Variants in PCDH9 observed in about 807,000 individuals in gnomAD.
PCDH9 encodes the protein protocadherin-9.
In PCDH9, 24 loss-of-function variants were observed where a neutral mutation model predicts 70.6. That is an observed-to-expected ratio of 0.34 (90% CI 0.25 to 0.48). The LOEUF (loss-of-function observed/expected upper bound fraction) is 0.48. Ranked by LOEUF, PCDH9 falls within the 20% of genes least tolerant of loss-of-function variation. The probability of loss-of-function intolerance (pLI) is 0.99; values close to 1 mark genes in which losing one functional copy is unlikely to be tolerated. For missense variants in PCDH9, 1,281 were observed against 1,503.6 expected (o/e 0.85, Z 2.45); for synonymous variants, 562 against 558.5 (o/e 1.01, Z -0.09).
At chr13:67,147,667 A>T (rs907239561) in intron 2 of PCDH9, among the ~76,000 whole-genome samples, 1 of 152,224 alleles carries the variant, frequency 6.6e-6, no homozygotes, top group Non-Finnish European at 1.5e-5. Flanking sequence ...AGGCCAGGGA[A>T]TTTGGGGACT....
At chr13:67,178,230 A>T (rs1458231710) in intron 2 of PCDH9, among the ~76,000 whole-genome samples, 1 of 152,074 alleles carries the variant, frequency 6.6e-6, no homozygotes, top group Non-Finnish European at 1.5e-5. Flanking sequence ...ATGGGGAAAA[A>T]GATACTATGA....
At chr13:66,750,450 T>C (rs1384783522) in intron 3 of PCDH9, among the ~76,000 whole-genome samples, 1 of 152,034 alleles carries the variant, frequency 6.6e-6, no homozygotes, top group Non-Finnish European at 1.5e-5. Context: ...GGACCAACTG[T>C]GTAAAGAAAG....
At chr13:67,188,254 C>T (rs1404778349) in intron 2 of PCDH9, among the ~76,000 whole-genome samples, 1 of 152,098 alleles carries the variant, frequency 6.6e-6, no homozygotes, top group African/African-American at 2.4e-5. Flanking sequence ...GTCAGCAGTG[C>T]TATACAAGTA....
chr13:66,959,368 T>A (rs1255150551), intron 2 of PCDH9, among the ~76,000 whole-genome samples: 2 of 152,186 alleles, frequency 1.3e-5, no homozygotes, highest in Non-Finnish European at 2.9e-5. Flanking sequence ...TTACCAAGAA[T>A]GGCATGATCT....
intron 3 of PCDH9, among the ~76,000 whole-genome samples, chr13:66,816,730 GACA>G (rs2080611562): frequency 1.3e-5 from 2 of 152,122 alleles, no homozygotes; most frequent in Admixed American, 1.3e-4. Flanking sequence ...AGACCAGTGT[GACA>G]ACATGGTAAA....
chr13:67,198,607 T>TA (rs2089134526), intron 2 of PCDH9, among the ~76,000 whole-genome samples: 1 of 151,848 alleles, frequency 6.6e-6, no homozygotes, highest in Non-Finnish European at 1.5e-5. Context: ...AAAACACACA[T>TA]ACCATAACCT....
chr13:66,593,812 A>G (rs1337144368), intron 4 of PCDH9, among the ~76,000 whole-genome samples: 1 of 151,726 alleles, frequency 6.6e-6, no homozygotes, highest in Non-Finnish European at 1.5e-5. Context: ...GTGATTTGTA[A>G]TTTGTTGTAC....
At chr13:66,645,900 T>C (rs1193279197) in intron 3 of PCDH9, among the ~76,000 whole-genome samples, 1 of 152,102 alleles carries the variant, frequency 6.6e-6, no homozygotes, top group Non-Finnish European at 1.5e-5. Flanking sequence ...AACAGAAAGA[T>C]CCAATCTATA....
chr13:66,709,388 G>A (rs867393806), intron 3 of PCDH9, among the ~76,000 whole-genome samples: 4 of 152,140 alleles, frequency 2.6e-5, no homozygotes, highest in Non-Finnish European at 5.9e-5. Context: ...TTTCTGAATT[G>A]AAACTTGTAT....
intron 2 of PCDH9, among the ~76,000 whole-genome samples, chr13:67,181,976 C>A (rs185227213): frequency 1.5e-4 from 23 of 152,270 alleles, no homozygotes; most frequent in Non-Finnish European, 1.5e-5. Flanking sequence ...ACCTGATTGA[C>A]CAGTCCTTTG....
intron 2 of PCDH9, among the ~76,000 whole-genome samples, chr13:66,971,662 G>C (rs1202636074): frequency 6.6e-6 from 1 of 151,870 alleles, no homozygotes; most frequent in Middle Eastern, 3.2e-3. Flanking sequence ...ATGCACACTG[G>C]AACAGGCAGC....
At chr13:67,142,207 CAG>C (rs1300342889) in intron 2 of PCDH9, among the ~76,000 whole-genome samples, 5 of 152,192 alleles carry the variant, frequency 3.3e-5, no homozygotes, top group East Asian at 1.9e-4. Context: ...AAAAATCAAA[CAG>C]AATTAAAATT....
At chr13:66,927,292 A>G (rs1481421265) in intron 2 of PCDH9, among the ~76,000 whole-genome samples, 4 of 152,076 alleles carry the variant, frequency 2.6e-5, no homozygotes, top group Non-Finnish European at 5.9e-5. Flanking sequence ...AAACTAACGC[A>G]GGAAGAGAAA....
At chr13:66,632,764 C>T (rs2077588069) in intron 3 of PCDH9, among the ~76,000 whole-genome samples, 1 of 151,998 alleles carries the variant, frequency 6.6e-6, no homozygotes, top group Non-Finnish European at 1.5e-5. Context: ...TTTGAATAAA[C>T]CTAGTTTTCT....
chr13:66,648,461 G>A (rs1487501941), intron 3 of PCDH9, among the ~76,000 whole-genome samples: 3 of 152,220 alleles, frequency 2.0e-5, no homozygotes, highest in South Asian at 2.1e-4. Flanking sequence ...GACCACCAAG[G>A]TGGTACCTTC....
chr13:66,360,197 T>G (rs1028248288), intron 4 of PCDH9, among the ~76,000 whole-genome samples: 1 of 152,064 alleles, frequency 6.6e-6, no homozygotes, highest in Non-Finnish European at 1.5e-5. Context: ...GCCTCGGATA[T>G]TAGTGTGATC....
chr13:66,375,999 G>T lies in PCDH9; in HGVS notation c.3341-70971C>A, dbSNP rs76506172. ...AAACAACCAGAAAACACCAATAAAG[G>T]CAGCTCATCCTTATAACTGACTCCC... is the stretch of plus-strand genomic sequence containing the variant. On this transcript the variant is annotated intron_variant, in intron 4 of 4. Transcript: ENST00000377865. Among the ~76,000 whole-genome samples, 24 of 152,130 alleles carry T rather than the reference G, an allele frequency of 1.6e-4. No individual in the cohort carries two copies. In the East Asian group the frequency reaches 4.6e-3, roughly 29 times the overall value.
chr13:66,458,342 C>A (rs987406582), intron 4 of PCDH9, among the ~76,000 whole-genome samples: 1 of 151,930 alleles, frequency 6.6e-6, no homozygotes, highest in Non-Finnish European at 1.5e-5. Context: ...TTAAAACCAA[C>A]AATCTATTTT....
At chr13:66,436,634 G>C (rs1436737680) in intron 4 of PCDH9, among the ~76,000 whole-genome samples, 1 of 152,124 alleles carries the variant, frequency 6.6e-6, no homozygotes, top group South Asian at 2.1e-4. Flanking sequence ...TACTTCTGAA[G>C]TGGTTTGTTC....
Sources: gnomAD v4.1 joint callset for allele counts (sites outside exome capture counted in the v4.1 genomes callset) on GRCh38, gnomAD v4.1.1 for gene constraint, MANE v1.5 for transcripts, NCBI Gene and HGNC (gene_info 2026-07-23, HGNC 2026-07-21) for gene names.